The following PTPRM variants were observed in gnomAD, a reference collection of about 807,000 sequenced individuals.
The protein encoded by PTPRM is receptor-type tyrosine-protein phosphatase mu.
In PTPRM, 47 loss-of-function variants were observed where a neutral mutation model predicts 186.7. The ratio of observed to expected loss-of-function variants is 0.25; its 90% CI spans 0.20 to 0.32. The LOEUF is 0.32. Ranked by LOEUF, PTPRM falls within the 10% of genes least tolerant of loss-of-function variation. PTPRM has a pLI of 1.00. For missense variants in PTPRM, 1,494 were observed against 1,865.0 expected, an observed-to-expected ratio of 0.80 and a Z score of 3.66; for synonymous variants, 668 against 674.9, an observed-to-expected ratio of 0.99 and a Z score of 0.16.
intron 14 of PTPRM, among the ~76,000 whole-genome samples, chr18:8,201,576 T>C (rs1406207906): frequency 1.3e-5 from 2 of 152,192 alleles, no homozygotes; most frequent in Non-Finnish European, 1.5e-5. Context: ...CATGAATTTT[T>C]CACGGTTCTG....
chr18:7,944,113 T>C (rs2052365792), intron 5 of PTPRM, among the ~76,000 whole-genome samples: 1 of 152,182 alleles, frequency 6.6e-6, no homozygotes, highest in Admixed American at 6.5e-5. Flanking sequence ...TAGAACCTCA[T>C]TTTTCTCTTC....
At chr18:7,678,444 G>A (rs1289551372) in intron 1 of PTPRM, among the ~76,000 whole-genome samples, 1 of 152,194 alleles carries the variant, frequency 6.6e-6, no homozygotes, top group Non-Finnish European at 1.5e-5. Context: ...CATGCAGGGA[G>A]CACTGAGAGG....
chr18:8,390,935 A>AAATAATAAT (rs71356213), intron 31 of PTPRM, among the ~76,000 whole-genome samples: 14,010 of 143,252 alleles, frequency 0.098, 775 homozygotes, highest in African/African-American at 0.13. Flanking sequence ...CTCAAAAAGA[A>AAATAATAAT]AATAATAATA....
intron 1 of PTPRM, among the ~76,000 whole-genome samples, chr18:7,624,716 A>G (rs796101986): frequency 6.6e-6 from 1 of 152,192 alleles, no homozygotes; most frequent in Non-Finnish European, 1.5e-5. Flanking sequence ...AGCTCAAGCA[A>G]TCAGCCCACC....
intron 19 of PTPRM, among the ~76,000 whole-genome samples, chr18:8,262,370 T>C (rs2094642606): frequency 6.6e-6 from 1 of 152,224 alleles, no homozygotes; most frequent in Non-Finnish European, 1.5e-5. Context: ...TTTCCAAAAA[T>C]AAGAACCTCA....
At chr18:7,710,436 A>G (rs1001963751) in intron 1 of PTPRM, among the ~76,000 whole-genome samples, 3 of 152,190 alleles carry the variant, frequency 2.0e-5, no homozygotes, top group African/African-American at 7.2e-5. Context: ...CACAGCCAAC[A>G]TCATATTGAA....
Position 7,859,579 on chromosome 18 carries a change from C to T in PTPRM, c.197-28527C>T, listed in dbSNP as rs528941807. On this transcript the variant is annotated intron_variant, in intron 2 of 32. Coordinates refer to ENST00000580170, the MANE Select transcript of PTPRM (RefSeq NM_001105244.2). ...CAGGCACCTCTGGCCCAAGTATGCC[C>T]ACTGGAGTTCCCATAACCCTGGCCT... 5.3e-5 allele frequency among the ~76,000 whole-genome samples: 8 copies of T among 152,342 alleles called. No individual in the cohort carries two copies. The East Asian group carries it at 7.7e-4, about 15-fold the overall frequency.
intron 2 of PTPRM, among the ~76,000 whole-genome samples, chr18:7,840,712 T>C (rs1297149641): frequency 6.6e-6 from 1 of 152,226 alleles, no homozygotes; most frequent in Non-Finnish European, 1.5e-5. Flanking sequence ...GTTCAAAGGA[T>C]GAATTGGCTT....
At chr18:8,259,231 G>T (rs556406617) in intron 19 of PTPRM, among the ~76,000 whole-genome samples, 1 of 152,256 alleles carries the variant, frequency 6.6e-6, no homozygotes, top group African/African-American at 2.4e-5. Flanking sequence ...TTATAGGCAT[G>T]AGCTGCTGTG....
At chr18:8,250,297 A>C (rs901537173) in intron 17 of PTPRM, among the ~76,000 whole-genome samples, 1 of 152,098 alleles carries the variant, frequency 6.6e-6, no homozygotes, top group Non-Finnish European at 1.5e-5. Context: ...GACAGAACCT[A>C]CCCTACCTCA....
intron 7 of PTPRM, among the ~76,000 whole-genome samples, chr18:7,997,340 G>A (rs2083597606): frequency 1.3e-5 from 2 of 152,090 alleles, no homozygotes. Context: ...TCTGCATGCA[G>A]AATAATAAAA....
At chr18:7,583,334 A>G (rs2036894518) in intron 1 of PTPRM, among the ~76,000 whole-genome samples, 1 of 152,178 alleles carries the variant, frequency 6.6e-6, no homozygotes, top group South Asian at 2.1e-4. Context: ...CAGCACTGGT[A>G]TTTTAGGGTT....
intron 1 of PTPRM, among the ~76,000 whole-genome samples, chr18:7,609,663 A>G (rs550607567): frequency 6.6e-6 from 1 of 152,186 alleles, no homozygotes; most frequent in South Asian, 2.1e-4. Flanking sequence ...GTTCCCAGGC[A>G]TGCCTGCAGT....
chr18:8,249,103 T>C (rs1601467388), intron 17 of PTPRM, among the ~76,000 whole-genome samples: 2 of 152,234 alleles, frequency 1.3e-5, no homozygotes, highest in African/African-American at 4.8e-5. Context: ...CTTCAAGGTA[T>C]ATAACAATTC....
chr18:7,974,713 A>G (rs749027702), intron 7 of PTPRM, among the ~76,000 whole-genome samples: 2 of 152,194 alleles, frequency 1.3e-5, no homozygotes, highest in Non-Finnish European at 2.9e-5. Flanking sequence ...TTTAAAAGCA[A>G]CTGGGGAAAC....
chr18:7,825,363 G>A (rs1207427092), intron 2 of PTPRM, among the ~76,000 whole-genome samples: 1 of 152,110 alleles, frequency 6.6e-6, no homozygotes, highest in African/African-American at 2.4e-5. Flanking sequence ...TAAATGGAAT[G>A]GATAGGTTGA....
At chr18:7,889,368 G>A (rs948424515) in intron 3 of PTPRM, among the ~76,000 whole-genome samples, 13 of 122,258 alleles carry the variant, frequency 1.1e-4, no homozygotes, top group Non-Finnish European at 1.9e-4. Context: ...ACTGGGACTC[G>A]TTCCATCACC....
At chr18:7,865,760 A>AC (rs1292071920) in intron 2 of PTPRM, among the ~76,000 whole-genome samples, 1 of 151,806 alleles carries the variant, frequency 6.6e-6, no homozygotes, top group African/African-American at 2.4e-5. Context: ...CAGAAAGAAT[A>AC]CCAGCTCCTT....
chr18:7,736,506 A>C (rs1480292776), intron 1 of PTPRM, among the ~76,000 whole-genome samples: 1 of 152,018 alleles, frequency 6.6e-6, no homozygotes, highest in Non-Finnish European at 1.5e-5. Context: ...CGAGTTGTAG[A>C]AGGAAGGGCT....
Sources: allele counts gnomAD v4.1 joint callset (sites outside exome capture counted in the v4.1 genomes callset), GRCh38; gene constraint gnomAD v4.1.1; transcripts MANE v1.5; gene names NCBI Gene and HGNC (gene_info 2026-07-23, HGNC 2026-07-21).